ZC3H11A: variants seen among roughly 807,000 people sequenced by gnomAD.
The protein encoded by ZC3H11A is zinc finger CCCH domain-containing protein 11A.
Under a neutral mutation model 90.8 loss-of-function variants are expected in ZC3H11A, and 22 were observed. The ratio of observed to expected loss-of-function variants is 0.24; its 90% CI spans 0.17 to 0.35. The LOEUF is 0.35. ZC3H11A is among the 10% of genes least tolerant of loss of function. ZC3H11A has a pLI of 1.00. For missense variants in ZC3H11A, 701 were observed against 964.9 expected (o/e 0.73, Z 3.62); for synonymous variants, 294 against 339.8 (o/e 0.87, Z 1.48).
chr1:203,833,241 G>C (rs954549068), intron 9 of ZC3H11A, among the ~76,000 whole-genome samples: 3 of 151,978 alleles, frequency 2.0e-5, no homozygotes, highest in Admixed American at 6.6e-5. Context: ...GGTGGTGCAC[G>C]CCTGTAATCC....
chr1:203,820,220 G>A (rs1163328531), intron 4 of ZC3H11A, among the ~76,000 whole-genome samples: 1 of 150,858 alleles, frequency 6.6e-6, no homozygotes, highest in Non-Finnish European at 1.5e-5. Flanking sequence ...GGGTGACAGG[G>A]CGAGACTCCA....
At position 203,830,152 on chromosome 1, in the gene ZC3H11A, CTT is replaced by C; in HGVS notation, c.650_651del (p.Leu217ArgfsTer4). 6.3e-7 allele frequency: 1 copy of C among 1,596,830 alleles called. No homozygotes were observed. Among genetic ancestry groups the C allele is most frequent in the Non-Finnish European group, 8.5e-7 (1 of 1,175,962 alleles). ...GECLNFGIKT[L>X]EEIKSKKMKE... ...ATGTTTGAATTTTGGAATAAAAACTCTTGAGGAAATTAAGTCAAAGAAAATGA... is the reference window on the plus strand; with the variant it reads ...ATGTTTGAATTTTGGAATAAAAACTCGAGGAAATTAAGTCAAAGAAAATGA... On this transcript the variant is annotated frameshift_variant, in exon 8 of 18. Transcript: ENST00000367210. LOFTEE classifies it high-confidence loss of function.
rs759862479 is a variant in ZC3H11A at position 203,818,583 on chromosome 1, C to G, written c.68C>G (p.Pro23Arg). 1.9e-6 allele frequency: 3 copies of G among 1,613,996 alleles called. No individual in the cohort carries two copies. Among genetic ancestry groups the G allele is most frequent in the Non-Finnish European group, 2.5e-6 (3 of 1,179,968 alleles). The part of the protein sequence containing the change: ...YSTCTKGDSC[P>R]FRHCEAAIGN... Reference sequence around the variant, plus strand: ...ATTTGTTTACAGGGTGACAGCTGCCCATTCCGTCACTGTGAAGCTGCAATA... The same window carrying G: ...ATTTGTTTACAGGGTGACAGCTGCCGATTCCGTCACTGTGAAGCTGCAATA... The change falls in exon 4 of 18, where the codon CCA becomes CGA. Residue 23 changes from proline (P) to arginine (R), a missense_variant. By Grantham distance (103) the Pro-to-Arg change is moderately radical (BLOSUM62 -2). This residue lies in a region of ZC3H11A where 59 missense variants were observed against 132.8 expected (regional missense o/e 0.44). Transcript: ENST00000367210.
At chr1:203,798,038 TCAA>T in intron 1 of ZC3H11A, 2 of 1,535,184 alleles carry the variant, frequency 1.3e-6, no homozygotes, top group Non-Finnish European at 1.7e-6. Flanking sequence ...CATCTACTCT[TCAA>T]CGACATCTGC....
At chr1:203,798,699 C>G in intron 1 of ZC3H11A, 2 of 1,536,054 alleles carry the variant, frequency 1.3e-6, no homozygotes, top group South Asian at 1.2e-5. Flanking sequence ...CACTCTGATG[C>G]GTGCGCAGGA....
intron 1 of ZC3H11A, chr1:203,800,658 G>A (rs1010023793): frequency 3.1e-5 from 14 of 448,778 alleles, no homozygotes; most frequent in Non-Finnish European, 4.9e-5. Context: ...TAACTGTGGC[G>A]CTAGCACTTG....
intron 12 of ZC3H11A, among the ~76,000 whole-genome samples, chr1:203,841,748 C>T (rs927512152): frequency 6.6e-6 from 1 of 151,588 alleles, no homozygotes; most frequent in Non-Finnish European, 1.5e-5. Flanking sequence ...AGGCGCCCCC[C>T]ACCTCCCAGA....
At chr1:203,838,893 C>T (rs2103191877) in intron 11 of ZC3H11A, among the ~76,000 whole-genome samples, 1 of 139,126 alleles carries the variant, frequency 7.2e-6, no homozygotes, top group Non-Finnish European at 1.5e-5. Flanking sequence ...GCGGAGGTTA[C>T]AGTGAGCCAA....
rs1360693922 is a variant in ZC3H11A at position 203,837,975 on chromosome 1, G to A, written c.884G>A (p.Ser295Asn). 2 of 1,613,322 alleles carry A rather than the reference G, an allele frequency of 1.2e-6. No homozygotes were observed. Among genetic ancestry groups the A allele is most frequent in the Non-Finnish European group, 1.7e-6 (2 of 1,179,804 alleles). Residue 295 changes from serine (S) to asparagine (N), a missense_variant, in exon 11 of 18, where the codon AGT becomes AAT. Coordinates refer to ENST00000367210, the MANE Select transcript of ZC3H11A (RefSeq NM_001376342.1). ...GKRKFSAGGD[S>N]DPPLKRSLAQ... ...TTCTCCCTCTTTATAGGCGGTGACA[G>A]TGATCCTCCATTAAAGCGTAGCCTG...
At chr1:203,808,985 C>T (rs1356694375) in intron 2 of ZC3H11A, among the ~76,000 whole-genome samples, 1 of 151,866 alleles carries the variant, frequency 6.6e-6, no homozygotes, top group African/African-American at 2.4e-5. Flanking sequence ...CATTCGCCAC[C>T]ACGCCCAGCT....
intron 4 of ZC3H11A, among the ~76,000 whole-genome samples, chr1:203,825,256 A>G (rs1245525965): frequency 2.0e-5 from 3 of 152,086 alleles, no homozygotes; most frequent in Non-Finnish European, 1.5e-5. Context: ...ACCCAACTCT[A>G]TTTCCCTTAG....
intron 12 of ZC3H11A, 46 bp downstream of exon 12, chr1:203,840,420 G>GT (rs1347944340): frequency 6.4e-7 from 1 of 1,569,536 alleles, no homozygotes; most frequent in Non-Finnish European, 8.7e-7. Context: ...TTTCTTTGCT[G>GT]TAAGAGCCTT....
At chr1:203,828,508 C>CT in intron 5 of ZC3H11A, 86 bp downstream of exon 5, 1 of 1,464,994 alleles carries the variant, frequency 6.8e-7, no homozygotes, top group Non-Finnish European at 9.3e-7. Flanking sequence ...ACATTGACTC[C>CT]TTTCAGTCTT....
intron 15 of ZC3H11A, 65 bp downstream of exon 15, chr1:203,850,091 G>A (rs1336032616): frequency 5.1e-5 from 76 of 1,477,168 alleles, no homozygotes; most frequent in Admixed American, 2.1e-5. Context: ...CCCAATTGTT[G>A]CCAGTAACTT....
chr1:203,830,925 A>ATTTTATTTTTT (rs1682066696), intron 8 of ZC3H11A, among the ~76,000 whole-genome samples: 11 of 51,352 alleles, frequency 2.1e-4, no homozygotes, highest in African/African-American at 7.8e-4. Context: ...CCAACCCCCA[A>ATTTTATTTTTT]TTTTTTTTTT....
At chr1:203,851,012 A>T (rs1689116536) in intron 16 of ZC3H11A, 45 bp from the exon 17 acceptor site, 1 of 1,596,806 alleles carries the variant, frequency 6.3e-7, no homozygotes, top group South Asian at 1.1e-5. Flanking sequence ...TGCTCAAATT[A>T]AAAAGCCTGA....
intron 2 of ZC3H11A, chr1:203,806,040 C>G: frequency 1.9e-6 from 1 of 535,712 alleles, no homozygotes; most frequent in Non-Finnish European, 3.6e-6. Flanking sequence ...TGTCCTGCTG[C>G]TGCTCATACA....
chr1:203,847,748 C>T lies in ZC3H11A; in HGVS notation c.1546+61C>T, dbSNP rs113998700. ...CACATAATATTCCAGAGGAGTGTTCCGTGGGATCTTCCTAGGAGTTGTTTG... is the reference window on the plus strand; with the variant it reads ...CACATAATATTCCAGAGGAGTGTTCTGTGGGATCTTCCTAGGAGTTGTTTG... On this transcript the variant is annotated intron_variant, in intron 13 of 17. Coordinates refer to ENST00000367210, the MANE Select transcript of ZC3H11A (RefSeq NM_001376342.1). The T allele has an allele frequency of 1.2e-3, 1,945 of 1,557,468 alleles. 17 individuals carry two copies. In the African/African-American group the frequency reaches 0.021, roughly 16 times the overall value.
At chr1:203,813,426 G>A (rs1445011202) in intron 2 of ZC3H11A, among the ~76,000 whole-genome samples, 1 of 152,050 alleles carries the variant, frequency 6.6e-6, no homozygotes, top group African/African-American at 2.4e-5. Flanking sequence ...TTGTATTTAA[G>A]TTGTTATCCA....
Sources: gnomAD v4.1 joint callset for allele counts (sites outside exome capture counted in the v4.1 genomes callset) on GRCh38, gnomAD v4.1.1 for gene constraint, gnomAD v4.1.1 regional missense constraint, MANE v1.5 for transcripts, NCBI Gene and HGNC (gene_info 2026-07-23, HGNC 2026-07-21) for gene names.